The following EYS variants were observed in gnomAD, a reference collection of about 807,000 sequenced individuals.
EYS encodes EGF-like photoreceptor maintenance factor, also known as protein eyes shut homolog.
EYS carries 250 observed loss-of-function variants against 282.1 expected under a neutral mutation model. The observed-to-expected ratio is 0.89, with a 90% CI of 0.80 to 0.98. The LOEUF (loss-of-function observed/expected upper bound fraction) is 0.98, where lower values mean the gene tolerates loss of function less well. EYS is among the 50% of genes least tolerant of loss of function. The pLI is 0.00. For synonymous variants in EYS, 1,355 were observed against 1,282.9 expected (o/e 1.06, Z -1.20); for missense variants, 4,016 against 3,709.0 (o/e 1.08, Z -2.15).
chr6:64,377,107 G>GGATA (rs376413928), intron 29 of EYS, among the ~76,000 whole-genome samples: 17 of 143,226 alleles, frequency 1.2e-4, no homozygotes, highest in East Asian at 3.9e-4. Context: ...ATAGATAGAT[G>GGATA]GATAGATAGA....
In EYS at chr6:65,228,867, G is replaced by T. The variant is rs182417761; in HGVS notation, c.2023+66996C>A. Among the ~76,000 whole-genome samples, 203 of 152,084 alleles carry T rather than the reference G, an allele frequency of 1.3e-3. 1 individual carries two copies. Among genetic ancestry groups the T allele is most frequent in the South Asian group, 2.7e-3 (13 of 4,822 alleles). On this transcript the variant is annotated intron_variant, in intron 12 of 42. Coordinates refer to ENST00000503581, the MANE Select transcript of EYS (RefSeq NM_001142800.2). The stretch of plus-strand genomic sequence containing the variant: ...AATCTACAAATAATCTAGTTACATG[G>T]TCAATTAATTTTGACAACAGTGTAA...
intron 13 of EYS, among the ~76,000 whole-genome samples, chr6:65,044,171 G>T (rs1773028687): frequency 6.6e-6 from 1 of 151,560 alleles, no homozygotes; most frequent in Non-Finnish European, 1.5e-5. Flanking sequence ...GTATCTGTTT[G>T]CCATTTTTAT....
chr6:65,687,733 G>A (rs981547984), intron 1 of EYS, among the ~76,000 whole-genome samples: 7 of 152,118 alleles, frequency 4.6e-5, no homozygotes, highest in African/African-American at 1.7e-4. Flanking sequence ...CTTCAGCAAA[G>A]TCTCAGGATA....
At chr6:64,512,121 GCATATATACACACATATACA>G in intron 26 of EYS, among the ~76,000 whole-genome samples, 1 of 151,936 alleles carries the variant, frequency 6.6e-6, no homozygotes, top group Non-Finnish European at 1.5e-5. Flanking sequence ...ATACATACAT[GCATATATACACACATATACA>G]CATACATATG....
intron 30 of EYS, among the ~76,000 whole-genome samples, chr6:64,295,903 G>A (rs551679200): frequency 6.6e-6 from 1 of 152,066 alleles, no homozygotes; most frequent in South Asian, 2.1e-4. Context: ...AGACTGGAGG[G>A]GATATTAACA....
At chr6:64,178,822 C>A (rs1298561119) in intron 31 of EYS, among the ~76,000 whole-genome samples, 1 of 152,026 alleles carries the variant, frequency 6.6e-6, no homozygotes, top group Non-Finnish European at 1.5e-5. Context: ...CATATTCTTA[C>A]AATAATATTA....
chr6:64,788,190 A>G (rs1554203282), intron 22 of EYS, among the ~76,000 whole-genome samples: 1 of 152,182 alleles, frequency 6.6e-6, no homozygotes, highest in Non-Finnish European at 1.5e-5. Flanking sequence ...GCATTTACAG[A>G]ATTTTAAGGA....
At chr6:64,948,513 T>C (rs1283264464) in intron 14 of EYS, among the ~76,000 whole-genome samples, 1 of 146,754 alleles carries the variant, frequency 6.8e-6, no homozygotes, top group Non-Finnish European at 1.5e-5. Flanking sequence ...ATTATAAAAA[T>C]AGAAATTATA....
intron 11 of EYS, chr6:65,331,046 C>T (rs1769779384): frequency 1.0e-6 from 1 of 984,060 alleles, no homozygotes; most frequent in Admixed American, 6.2e-5. Flanking sequence ...TTAAAGGCAC[C>T]CATATGTGTT....
intron 2 of EYS, among the ~76,000 whole-genome samples, chr6:65,568,615 C>T (rs1338558739): frequency 6.6e-6 from 1 of 152,116 alleles, no homozygotes; most frequent in Non-Finnish European, 1.5e-5. Flanking sequence ...TTGAGCATGA[C>T]TTTTCAATGA....
At chr6:65,314,574 G>C (rs1429859822) in intron 11 of EYS, among the ~76,000 whole-genome samples, 1 of 133,878 alleles carries the variant, frequency 7.5e-6, no homozygotes, top group South Asian at 2.4e-4. Context: ...GTGTGTGTGT[G>C]TGTGTGTGTG....
intron 26 of EYS, among the ~76,000 whole-genome samples, chr6:64,480,824 A>G (rs1776415357): frequency 1.3e-5 from 2 of 151,746 alleles, no homozygotes; most frequent in African/African-American, 4.8e-5. Flanking sequence ...CTCAACTATA[A>G]GCTACAACAT....
intron 36 of EYS, among the ~76,000 whole-genome samples, chr6:63,845,998 G>T (rs1426349762): frequency 4.6e-5 from 7 of 152,142 alleles, no homozygotes; most frequent in Non-Finnish European, 8.8e-5. Flanking sequence ...TTTCTCAGAA[G>T]TGTTTATTAT....
intron 12 of EYS, among the ~76,000 whole-genome samples, chr6:65,151,604 T>C (rs879398032): frequency 1.3e-5 from 2 of 152,030 alleles, no homozygotes; most frequent in Admixed American, 1.3e-4. Flanking sequence ...CCTCAGTCCA[T>C]CACAAATAGT....
intron 15 of EYS, among the ~76,000 whole-genome samples, chr6:64,925,060 C>T (rs1008473006): frequency 6.6e-6 from 1 of 152,080 alleles, no homozygotes; most frequent in East Asian, 1.9e-4. Context: ...TAAAGATATA[C>T]CCGAGACTGG....
intron 12 of EYS, among the ~76,000 whole-genome samples, chr6:65,282,511 G>A (rs2150276465): frequency 6.6e-6 from 1 of 152,012 alleles, no homozygotes; most frequent in East Asian, 1.9e-4. Context: ...TAACACGTGA[G>A]CAAATTTTTA....
chr6:65,010,081 A>C (rs963414527), intron 13 of EYS, among the ~76,000 whole-genome samples: 1 of 152,220 alleles, frequency 6.6e-6, no homozygotes, highest in Non-Finnish European at 1.5e-5. Context: ...CCCAAGCCCC[A>C]GTGTTAAGCT....
rs867466823 is a variant in EYS at position 63,873,936 on chromosome 6, C to T, written c.7056-9578G>A. Among the ~76,000 whole-genome samples the T allele has an allele frequency of 6.6e-5, 10 of 152,180 alleles. 1 individual carries two copies. The highest frequency in any genetic ancestry group is 6.8e-3 in the Middle Eastern group (2 of 294). Reference sequence around the variant, plus strand: ...TAGATTGTAAAATTTTCCTCCCATTCTGTAGGGTGCCTGTTCACTCTGATG... The same window carrying T: ...TAGATTGTAAAATTTTCCTCCCATTTTGTAGGGTGCCTGTTCACTCTGATG... On this transcript the variant is annotated intron_variant, in intron 35 of 42. Coordinates refer to ENST00000503581, the MANE Select transcript of EYS (RefSeq NM_001142800.2).
chr6:63,934,858 C>A (rs149423973), intron 35 of EYS, among the ~76,000 whole-genome samples: 8,246 of 151,864 alleles, frequency 0.054, 288 homozygotes, highest in South Asian at 0.14. Flanking sequence ...ATGTAACAAA[C>A]CTGCACGTTG....
Sources: allele counts gnomAD v4.1 joint callset (sites outside exome capture counted in the v4.1 genomes callset), GRCh38; gene constraint gnomAD v4.1.1; transcripts MANE v1.5; gene names NCBI Gene and HGNC (gene_info 2026-07-23, HGNC 2026-07-21).